The following SLC9A3 variants were observed in gnomAD, a reference collection of about 807,000 sequenced individuals.
SLC9A3 encodes sodium/hydrogen exchanger 3.
SLC9A3 carries 37 observed loss-of-function variants against 86.8 expected under a neutral mutation model. The observed-to-expected ratio is 0.43, with a 90% CI of 0.33 to 0.56. SLC9A3 has a LOEUF of 0.56. Among genes scored for constraint, SLC9A3 ranks in the 20% least tolerant of loss-of-function variants. SLC9A3 has a pLI of 0.06. For synonymous variants in SLC9A3, 581 were observed against 528.3 expected (o/e 1.10, Z -1.37); for missense variants, 1,011 against 1,171.9 (o/e 0.86, Z 2.00).
At chr5:521,331 T>C (rs1733878380) in intron 1 of SLC9A3, among the ~76,000 whole-genome samples, 1 of 152,214 alleles carries the variant, frequency 6.6e-6, no homozygotes, top group Non-Finnish European at 1.5e-5. Flanking sequence ...AGTGTTTGCT[T>C]GAGGCAGCTC....
Position 471,371 on chromosome 5 carries a change from G to A in SLC9A3, c.*2008C>T, listed in dbSNP as rs1186343665. On this transcript the variant is annotated 3_prime_UTR_variant, in exon 17 of 17. Coordinates refer to ENST00000264938, the MANE Select transcript of SLC9A3 (RefSeq NM_004174.4). ...GGGGAGTTGTTCAGCGCCTGGAATC[G>A]CCATGCATTGCGCGGTGGACCGCAC... 16 of 236,100 alleles carry A rather than the reference G, an allele frequency of 6.8e-5. No individual in the cohort carries two copies. Among genetic ancestry groups the A allele is most frequent in the Non-Finnish European group, 1.0e-4 (12 of 117,838 alleles). The allele number at this position is 236,100 out of a possible 1,614,324, so 14.6% of individuals were successfully genotyped here.
chr5:477,038 AGT>A (rs1195710295), intron 11 of SLC9A3: 1 of 508,178 alleles, frequency 2.0e-6, no homozygotes, highest in Non-Finnish European at 3.6e-6. Context: ...CCGGAGGAGC[AGT>A]AAGGGTGGCA....
At chr5:480,351 GT>G in intron 9 of SLC9A3, 8 of 176,148 alleles carry the variant, frequency 4.5e-5, no homozygotes, top group South Asian at 1.4e-4. Context: ...CCAGAGTGAG[GT>G]TTTTTTTAGC....
At chr5:475,203 C>T (rs1170993193) in intron 15 of SLC9A3, 71 bp from the exon 16 acceptor site, 10 of 1,474,454 alleles carry the variant, frequency 6.8e-6, no homozygotes, top group Non-Finnish European at 6.3e-6. Flanking sequence ...TCGCCGGGGC[C>T]GTCACCTGCT....
At chr5:516,594 A>C (rs1437190660) in intron 1 of SLC9A3, among the ~76,000 whole-genome samples, 1 of 152,222 alleles carries the variant, frequency 6.6e-6, no homozygotes, top group Non-Finnish European at 1.5e-5. Flanking sequence ...TTATTCCAGA[A>C]GGCATATAGC....
intron 1 of SLC9A3, among the ~76,000 whole-genome samples, chr5:508,912 C>A (rs1265747747): frequency 1.3e-5 from 2 of 151,314 alleles, no homozygotes; most frequent in Non-Finnish European, 2.9e-5. Context: ...AGTTCCAGAC[C>A]AGCCTGGGCA....
In SLC9A3 at chr5:476,033, G is replaced by T. The variant is rs755925001; in HGVS notation, c.2127C>A (p.Thr709=). 1.9e-6 allele frequency: 3 copies of T among 1,612,520 alleles called. No individual in the cohort carries two copies. The South Asian group carries it at 3.3e-5, about 18-fold the overall frequency. Reference sequence around the variant, plus strand: ...CCCCCAGCGCACCTTTCTCCTTGATGGTGAAATTCTGCGCAGGGCTCTCCA... The same window carrying T: ...CCCCCAGCGCACCTTTCTCCTTGATTGTGAAATTCTGCGCAGGGCTCTCCA... ...LPMESPAQNF[T]IKEKDLELSD... Residue 709 remains threonine (T), a synonymous_variant, in exon 14 of 17, where the codon ACC becomes ACA. Coordinates refer to ENST00000264938, the MANE Select transcript of SLC9A3 (RefSeq NM_004174.4).
Position 472,461 on chromosome 5 carries a change from C to A in SLC9A3, c.*918G>T. 1.5e-5 allele frequency: 5 copies of A among 333,638 alleles called. 1 individual carries two copies. The highest frequency in any genetic ancestry group is 1.1e-4 in the South Asian group (5 of 46,672). 20.7% of individuals were successfully genotyped at this position (333,638 alleles called of 1,614,324 possible). On this transcript the variant is annotated 3_prime_UTR_variant, in exon 17 of 17. Coordinates refer to ENST00000264938, the MANE Select transcript of SLC9A3 (RefSeq NM_004174.4). ...TCTTGGCAAGCTCCGCCCGCCAGGC[C>A]ACCTCTCACCCAGCCAGGGCACCCC... is the stretch of plus-strand genomic sequence containing the variant.
At chr5:507,154 C>T (rs1443924377) in intron 1 of SLC9A3, among the ~76,000 whole-genome samples, 6 of 96,198 alleles carry the variant, frequency 6.2e-5, no homozygotes, top group Non-Finnish European at 4.3e-5. Flanking sequence ...AGGAGGGATC[C>T]GGCTGCTGCT....
rs1004516049 is a variant in SLC9A3 at position 497,533 on chromosome 5, C to A, written c.212-5462G>T. 6.6e-6 allele frequency among the ~76,000 whole-genome samples: 1 copy of A among 152,214 alleles called. No homozygotes were observed. Among genetic ancestry groups the A allele is most frequent in the Non-Finnish European group, 1.5e-5 (1 of 68,016 alleles). ...CGGAGCCACTCGTTCACGTTTATCT[C>A]TGTCTGGTTGTCAGAATAAATTGTT... On this transcript the variant is annotated intron_variant, in intron 1 of 16. Transcript: ENST00000264938. The surrounding 1 kb of genome is among the most constrained non-coding windows in gnomAD (Gnocchi z 5.4).
At chr5:523,208 C>G (rs1483850873) in intron 1 of SLC9A3, among the ~76,000 whole-genome samples, 2 of 152,182 alleles carry the variant, frequency 1.3e-5, no homozygotes, top group African/African-American at 2.4e-5. Context: ...GCTGGGCGTA[C>G]CAGGTTCCAC....
At chr5:486,585 A>C (rs1478489767) in intron 3 of SLC9A3, among the ~76,000 whole-genome samples, 1 of 152,122 alleles carries the variant, frequency 6.6e-6, no homozygotes, top group Admixed American at 6.5e-5. Context: ...CGTTAGCACC[A>C]GTTCAGTTTC....
At chr5:488,185 G>A (rs1003419939) in intron 3 of SLC9A3, 131 bp downstream of exon 3, 55 of 975,658 alleles carry the variant, frequency 5.6e-5, no homozygotes, top group East Asian at 7.6e-5. Context: ...GTGGAGGGAC[G>A]GGACGCCCCC....
In SLC9A3 at chr5:522,085, G is replaced by A. The variant is rs559217975; in HGVS notation, c.211+2027C>T. On this transcript the variant is annotated intron_variant, in intron 1 of 16. Transcript: ENST00000264938. ...AGGGTCTGCGCCTGTGGGATACCGC[G>A]ATGAGCTCCCACAGCTGCACAGGGT... Among the ~76,000 whole-genome samples, 13 of 141,242 alleles carry A rather than the reference G, an allele frequency of 9.2e-5. No individual in the cohort carries two copies. In the East Asian group the frequency reaches 2.7e-3, roughly 29 times the overall value. 92.7% of individuals were successfully genotyped at this position (141,242 alleles called of 152,430 possible).
rs765428235 is a variant in SLC9A3 at position 474,999 on chromosome 5, G to A, written c.2385C>T (p.Pro795=). Residue 795 remains proline, a synonymous_variant, in exon 16 of 17, where the codon CCC becomes CCT. Transcript: ENST00000264938. ...QRARTQIPYS[P]GTFCRLMPFR... The stretch of plus-strand genomic sequence containing the variant: ...AGGGCATCAGGCGGCAGAAGGTGCC[G>A]GGAGAGTAGGGAATCTGCGTGCGGG... 2.5e-6 allele frequency: 4 copies of A among 1,612,248 alleles called. No homozygotes were observed. In the South Asian group the frequency reaches 4.4e-5, roughly 18 times the overall value.
At chr5:522,949 C>A (rs1281184586) in intron 1 of SLC9A3, among the ~76,000 whole-genome samples, 1 of 151,998 alleles carries the variant, frequency 6.6e-6, no homozygotes, top group Non-Finnish European at 1.5e-5. Context: ...CGGCCAGCAT[C>A]CCAAGCCCCC....
chr5:480,148 G>A (rs994104417), intron 9 of SLC9A3, 183 bp from the exon 10 acceptor site: 2 of 607,500 alleles, frequency 3.3e-6, no homozygotes, highest in Non-Finnish European at 5.7e-6. Flanking sequence ...CGCCTGTCCT[G>A]TTGGATGGAG....
intron 1 of SLC9A3, among the ~76,000 whole-genome samples, chr5:502,483 A>G (rs1209353080): frequency 3.9e-5 from 6 of 152,220 alleles, no homozygotes; most frequent in East Asian, 1.9e-4. Flanking sequence ...AGCGGAGCAC[A>G]GTCCCCGGCA....
intron 2 of SLC9A3, among the ~76,000 whole-genome samples, chr5:489,774 C>T (rs1375355756): frequency 1.3e-5 from 2 of 152,128 alleles, no homozygotes; most frequent in Non-Finnish European, 2.9e-5. Context: ...GCAGTGATGG[C>T]CCCCATGGAT....
Sources: allele counts gnomAD v4.1 joint callset (sites outside exome capture counted in the v4.1 genomes callset), GRCh38; gene constraint gnomAD v4.1.1; non-coding constraint Gnocchi (gnomAD v3.1); transcripts MANE v1.5; gene names NCBI Gene and HGNC (gene_info 2026-07-23, HGNC 2026-07-21).